Variants in CRY1 observed in about 807,000 individuals in gnomAD.
CRY1 encodes cryptochrome circadian regulator 1.
A neutral mutation model predicts 76.0 loss-of-function variants in CRY1; 45 were observed. The observed-to-expected ratio is 0.59, with a 90% CI of 0.47 to 0.76. The LOEUF (loss-of-function observed/expected upper bound fraction) is 0.76, where lower values mean the gene tolerates loss of function less well. CRY1 is among the 30% of genes least tolerant of loss of function. CRY1 has a pLI of 0.00. For missense variants in CRY1, 587 were observed against 716.4 expected, an observed-to-expected ratio of 0.82 and a Z score of 2.06; for synonymous variants, 248 against 244.0, an observed-to-expected ratio of 1.02 and a Z score of -0.15.
intron 1 of CRY1, among the ~76,000 whole-genome samples, chr12:107,046,256 G>A (rs776126845): frequency 7.9e-5 from 12 of 151,520 alleles, no homozygotes; most frequent in Non-Finnish European, 1.5e-4. Context: ...TCATGTGACT[G>A]CACTCCAGGC....
intron 1 of CRY1, among the ~76,000 whole-genome samples, chr12:107,085,346 A>G (rs932550836): frequency 3.9e-5 from 6 of 152,250 alleles, no homozygotes; most frequent in Non-Finnish European, 7.3e-5. Context: ...TCATTCTACT[A>G]TAATGACACA....
chr12:107,065,833 T>C (rs1384763593), intron 1 of CRY1, among the ~76,000 whole-genome samples: 3 of 152,118 alleles, frequency 2.0e-5, no homozygotes, highest in African/African-American at 7.2e-5. Flanking sequence ...ACAACCAAGA[T>C]GAAAAAGTAA....
At chr12:107,030,968 CTA>C (rs1952667918) in intron 1 of CRY1, among the ~76,000 whole-genome samples, 1 of 152,138 alleles carries the variant, frequency 6.6e-6, no homozygotes, top group Non-Finnish European at 1.5e-5. Context: ...ATTATGCTTT[CTA>C]TACTAAGTTG....
At chr12:107,088,027 A>T (rs138004062) in intron 1 of CRY1, among the ~76,000 whole-genome samples, 2,136 of 152,296 alleles carry the variant, frequency 0.014, 54 homozygotes, top group African/African-American at 0.049. Flanking sequence ...CAACAGAGTG[A>T]TACCCCGTCT....
intron 7 of CRY1, 125 bp downstream of exon 7, chr12:106,999,426 A>T: frequency 1.2e-6 from 1 of 848,592 alleles, no homozygotes; most frequent in Non-Finnish European, 1.8e-6. Flanking sequence ...TTGGGGAATT[A>T]AATGTTTTAT....
In CRY1 at chr12:106,992,830, G is replaced by A. The variant is rs1566238187; in HGVS notation, c.1718C>T (p.Thr573Ile). ...CTGGACTTTAGGACCAATACTCTGT[G>A]TGTCCTCTTCCTGACTAGGACGTTT... ...GGKRPSQEED[T>I]QSIGPKVQRQ... The change falls in exon 12 of 13, where the codon ACA becomes ATA. Residue 573 changes from threonine (T) to isoleucine (I), a missense_variant. Coordinates refer to ENST00000008527, the MANE Select transcript of CRY1 (RefSeq NM_004075.5). 3 of 1,613,880 alleles carry A rather than the reference G, an allele frequency of 1.9e-6. No homozygotes were observed. Among genetic ancestry groups the A allele is most frequent in the African/African-American group, 2.7e-5 (2 of 74,884 alleles).
intron 1 of CRY1, among the ~76,000 whole-genome samples, chr12:107,070,503 T>C (rs1953175483): frequency 6.6e-6 from 1 of 151,874 alleles, no homozygotes; most frequent in South Asian, 2.1e-4. Context: ...AAACAATGCA[T>C]TTATGTATGG....
intron 1 of CRY1, among the ~76,000 whole-genome samples, chr12:107,031,663 T>C (rs1952676217): frequency 6.6e-6 from 1 of 152,180 alleles, no homozygotes; most frequent in Non-Finnish European, 1.5e-5. Context: ...CTCTGTGATA[T>C]TGTCCCCCAA....
chr12:107,091,017 C>T (rs1014307187), intron 1 of CRY1, among the ~76,000 whole-genome samples: 3 of 151,720 alleles, frequency 2.0e-5, no homozygotes, highest in East Asian at 1.9e-4. Flanking sequence ...AATTTTGGTG[C>T]TTTTTATATA....
chr12:107,021,749 C>A (rs2374662), intron 2 of CRY1, among the ~76,000 whole-genome samples: 106,842 of 151,654 alleles, frequency 0.7, 38,585 homozygotes, highest in East Asian at 0.97. Flanking sequence ...TATACACACA[C>A]AAAAAATTCT....
At chr12:107,004,373 T>C (rs1354929721) in intron 3 of CRY1, among the ~76,000 whole-genome samples, 1 of 152,176 alleles carries the variant, frequency 6.6e-6, no homozygotes, top group African/African-American at 2.4e-5. Flanking sequence ...ATAAAATACA[T>C]AAATTACTAA....
At chr12:107,061,770 T>C (rs1488557694) in intron 1 of CRY1, among the ~76,000 whole-genome samples, 1 of 152,154 alleles carries the variant, frequency 6.6e-6, no homozygotes, top group Admixed American at 6.5e-5. Context: ...TTTCTTACCA[T>C]ATCCACTAGC....
rs188142760 is a variant in CRY1, at chr12:107,091,149, C to T, written c.158+1655G>A. Among the ~76,000 whole-genome samples, 447 of 152,096 alleles carry T rather than the reference C, an allele frequency of 2.9e-3. 2 individuals carry two copies. Among genetic ancestry groups the T allele is most frequent in the African/African-American group, 0.01 (425 of 41,490 alleles). On this transcript the variant is annotated intron_variant, in intron 1 of 12. Transcript: ENST00000008527. ...CCGTCTCCTAGGTTCATGCGATTCTCGTGCCTCAGCCTCCTGAGTGGCTGA... is the reference window on the plus strand; with the variant it reads ...CCGTCTCCTAGGTTCATGCGATTCTTGTGCCTCAGCCTCCTGAGTGGCTGA...
chr12:107,069,619 A>ATATATATATAAAGTATATATATAAAG (rs1953159466), intron 1 of CRY1, among the ~76,000 whole-genome samples: 1 of 88,256 alleles, frequency 1.1e-5, no homozygotes, highest in African/African-American at 6.4e-5. Context: ...TATAAAAAGT[A>ATATATATATAAAGTATATATATAAAG]TATATATATA....
intron 3 of CRY1, 43 bp from the exon 4 acceptor site, chr12:107,001,991 C>G (rs202233698): frequency 1.3e-6 from 2 of 1,501,128 alleles, no homozygotes; most frequent in Non-Finnish European, 1.8e-6. Flanking sequence ...TTAAAAAAGA[C>G]AATACATTTT....
intron 3 of CRY1, among the ~76,000 whole-genome samples, chr12:107,004,304 T>G (rs911185449): frequency 2.0e-5 from 3 of 152,202 alleles, no homozygotes; most frequent in African/African-American, 7.2e-5. Context: ...TTGATACATT[T>G]AAAATGTGAA....
Position 106,992,795 on chromosome 12 carries a change from T to C in CRY1, c.1753A>G (p.Thr585Ala). Residue 585 changes from threonine (T) to alanine (A), a missense_variant, in exon 12 of 13, where the codon ACT becomes GCT. Transcript: ENST00000008527. The stretch of plus-strand genomic sequence containing the variant: ...AGCTCTAAAATATTTACCTAATTAG[T>C]GCTCTGTCTCTGGACTTTAGGACCA... ...SIGPKVQRQS[T>A]N 2 of 1,612,156 alleles carry C rather than the reference T, an allele frequency of 1.2e-6. No individual in the cohort carries two copies. Among genetic ancestry groups the C allele is most frequent in the South Asian group, 2.2e-5 (2 of 91,034 alleles).
intron 2 of CRY1, among the ~76,000 whole-genome samples, chr12:107,018,300 G>C (rs1313871749): frequency 1.3e-5 from 2 of 152,196 alleles, no homozygotes; most frequent in African/African-American, 4.8e-5. Context: ...ATATAATGAG[G>C]CTGGGCACAG....
Position 106,999,552 on chromosome 12 carries a change from T to C in CRY1, c.1136A>G (p.Lys379Arg), listed in dbSNP as rs1208262002. The change falls in exon 7 of 13, where the codon AAG becomes AGG. Residue 379 changes from lysine to arginine, a missense_variant and splice_region_variant. Coordinates refer to ENST00000008527, the MANE Select transcript of CRY1 (RefSeq NM_004075.5). ...DLWISWEEGM[K>R]VFEELLLDAD... is the part of the protein sequence containing the mutation. ...TGCTATATCAGTTAGAACACTTACC[T>C]TCATTCCTTCTTCCCAACTAATCCA... The C allele has an allele frequency of 6.2e-7, 1 of 1,609,394 alleles. No individual in the cohort carries two copies. Among genetic ancestry groups the C allele is most frequent in the Non-Finnish European group, 8.5e-7 (1 of 1,177,910 alleles).
Sources: gnomAD v4.1 joint callset for allele counts (sites outside exome capture counted in the v4.1 genomes callset) on GRCh38, gnomAD v4.1.1 for gene constraint, MANE v1.5 for transcripts, NCBI Gene and HGNC (gene_info 2026-07-23, HGNC 2026-07-21) for gene names.